The following BICD1 variants were observed in gnomAD, a reference collection of about 807,000 sequenced individuals.
The protein encoded by BICD1 is protein bicaudal D homolog 1.
A neutral mutation model predicts 92.5 loss-of-function variants in BICD1; 35 were observed. The observed-to-expected ratio is 0.38, with a 90% confidence interval of 0.29 to 0.50. BICD1 has a LOEUF of 0.50. Among genes scored for constraint, BICD1 ranks in the 20% least tolerant of loss-of-function variants. BICD1 has a pLI of 0.93. For synonymous variants in BICD1, 429 were observed against 465.1 expected, an observed-to-expected ratio of 0.92 and a Z score of 1.00; for missense variants, 950 against 1,189.8, an observed-to-expected ratio of 0.80 and a Z score of 2.97.
At chr12:32,207,350 G>A (rs1260613095) in intron 1 of BICD1, among the ~76,000 whole-genome samples, 1 of 152,060 alleles carries the variant, frequency 6.6e-6, no homozygotes, top group African/African-American at 2.4e-5. Context: ...ATAAATCTAA[G>A]TAATAGGCTA....
chr12:32,228,783 A>G (rs746122983), intron 2 of BICD1, among the ~76,000 whole-genome samples: 14 of 152,206 alleles, frequency 9.2e-5, no homozygotes, highest in Non-Finnish European at 1.5e-4. Context: ...GGAGTTATCA[A>G]TTGAGATGGG....
At chr12:32,155,493 C>T (rs1446145339) in intron 1 of BICD1, among the ~76,000 whole-genome samples, 1 of 152,160 alleles carries the variant, frequency 6.6e-6, no homozygotes, top group African/African-American at 2.4e-5. Flanking sequence ...GATTAAAGTA[C>T]AGCCGTCTTC....
Position 32,332,763 on chromosome 12 carries a change from A to G in BICD1, c.2101-1753A>G, listed in dbSNP as rs73301979. The G allele has an allele frequency of 6.6e-3, 4,705 of 709,522 alleles. 174 individuals carry two copies. The African/African-American group carries it at 0.082, about 12-fold the overall frequency. The allele number at this position is 709,522 out of a possible 1,614,324, so 44.0% of individuals were successfully genotyped here. A position where few individuals can be genotyped will look rare whatever the true frequency, so the allele number is the denominator to read the frequency against. ...GTTGTTTTCCAGAGGAGGAGGAAGT[A>G]ATTCCAGACAGAACAGTAGGTAGAG... On this transcript the variant is annotated intron_variant, in intron 5 of 9. Coordinates refer to ENST00000652176, the MANE Select transcript of BICD1 (RefSeq NM_001714.4).
intron 2 of BICD1, among the ~76,000 whole-genome samples, chr12:32,228,562 A>G (rs1945775547): frequency 6.6e-6 from 1 of 152,222 alleles, no homozygotes; most frequent in Non-Finnish European, 1.5e-5. Context: ...AGGCAAGGAT[A>G]GGAATGTGAG....
intron 3 of BICD1, among the ~76,000 whole-genome samples, chr12:32,302,567 G>A (rs963745063): frequency 2.6e-5 from 4 of 152,132 alleles, no homozygotes; most frequent in African/African-American, 7.2e-5. Flanking sequence ...CATCATGTTT[G>A]TAACATGCTA....
At chr12:32,212,874 C>T (rs534827377) in intron 1 of BICD1, among the ~76,000 whole-genome samples, 1 of 152,286 alleles carries the variant, frequency 6.6e-6, no homozygotes, top group Non-Finnish European at 1.5e-5. Context: ...AATCTATCAA[C>T]TCTTTTAAGG....
At chr12:32,162,517 C>A (rs776295186) in intron 1 of BICD1, among the ~76,000 whole-genome samples, 1 of 152,148 alleles carries the variant, frequency 6.6e-6, no homozygotes, top group Non-Finnish European at 1.5e-5. Flanking sequence ...AAATGGGTAT[C>A]ATCTTTCTTC....
intron 2 of BICD1, among the ~76,000 whole-genome samples, chr12:32,276,798 T>A (rs377098862): frequency 0.03 from 4,537 of 152,298 alleles, 86 homozygotes; most frequent in African/African-American, 0.04. Context: ...GCCTCTTTTC[T>A]AAAAATATTT....
chr12:32,160,298 A>G (rs992104986), intron 1 of BICD1, among the ~76,000 whole-genome samples: 4 of 152,206 alleles, frequency 2.6e-5, no homozygotes, highest in African/African-American at 9.7e-5. Context: ...CATGCCTTCC[A>G]TGGCCTGTTT....
At chr12:32,371,629 C>T (rs939536475) in intron 9 of BICD1, among the ~76,000 whole-genome samples, 2 of 152,006 alleles carry the variant, frequency 1.3e-5, no homozygotes, top group Non-Finnish European at 2.9e-5. Context: ...CCTCTGTTGC[C>T]CAGGCTGGAG....
chr12:32,200,968 A>G lies in BICD1; in HGVS notation c.214-15279A>G, dbSNP rs965912950. 3.9e-5 allele frequency among the ~76,000 whole-genome samples: 6 copies of G among 152,292 alleles called. 1 individual carries two copies. Among genetic ancestry groups the G allele is most frequent in the Non-Finnish European group, 2.9e-5 (2 of 68,012 alleles). On this transcript the variant is annotated intron_variant, in intron 1 of 9. Transcript: ENST00000652176. ...CTAAAAGCCTCTTGATCTGTTTCCT[A>G]TATCCTAGTCACAACTGAATTTTAA...
At chr12:32,108,616 A>G (rs572544573) in intron 1 of BICD1, 1 of 679,504 alleles carries the variant, frequency 1.5e-6, no homozygotes, top group Non-Finnish European at 2.7e-6. Context: ...TAATATCAAA[A>G]ATCTATTATT....
intron 8 of BICD1, among the ~76,000 whole-genome samples, chr12:32,367,176 AATC>A (rs992833119): frequency 1.1e-4 from 16 of 152,226 alleles, no homozygotes; most frequent in African/African-American, 3.9e-4. Context: ...AGATTCTACT[AATC>A]ATAGAAAAGA....
chr12:32,326,400 C>T, intron 4 of BICD1, among the ~76,000 whole-genome samples: 1 of 152,096 alleles, frequency 6.6e-6, no homozygotes, highest in East Asian at 1.9e-4. Flanking sequence ...TCTTATATAC[C>T]TATGTTTAAT....
intron 2 of BICD1, among the ~76,000 whole-genome samples, chr12:32,271,049 A>T (rs1244669372): frequency 6.6e-6 from 1 of 152,198 alleles, no homozygotes; most frequent in Non-Finnish European, 1.5e-5. Context: ...AGGCACCAAA[A>T]GAAGATGCTC....
rs79923882 is a variant in BICD1 at position 32,145,298 on chromosome 12, A to C, written c.213+37754A>C. 4.4e-3 allele frequency among the ~76,000 whole-genome samples: 670 copies of C among 152,346 alleles called. 3 individuals carry two copies. Among genetic ancestry groups the C allele is most frequent in the African/African-American group, 0.015 (635 of 41,574 alleles). On this transcript the variant is annotated intron_variant, in intron 1 of 9. Coordinates refer to ENST00000652176, the MANE Select transcript of BICD1 (RefSeq NM_001714.4). ...CGAGATAATGATGTGGATGTGACAGAACATGGTAGAGGAAAAGGCCACAGA... is the reference window on the plus strand; with the variant it reads ...CGAGATAATGATGTGGATGTGACAGCACATGGTAGAGGAAAAGGCCACAGA...
intron 2 of BICD1, among the ~76,000 whole-genome samples, chr12:32,287,619 C>T (rs960550467): frequency 3.3e-5 from 5 of 150,966 alleles, no homozygotes; most frequent in Non-Finnish European, 5.9e-5. Context: ...TCACTGCAAG[C>T]TCTGCCTCCT....
chr12:32,367,898 C>T lies in BICD1; in HGVS notation c.2840+153C>T, dbSNP rs115200970. 5.1e-4 allele frequency: 347 copies of T among 678,372 alleles called. 2 individuals are homozygous for T. The African/African-American group carries it at 5.5e-3, about 11-fold the overall frequency. The allele number at this position is 678,372 out of a possible 1,614,324, so 42.0% of individuals were successfully genotyped here. ...TACATAGACACACATTGGACACCTG[C>T]AGTCCCTGCGTTCCCAGTAGGAATA... On this transcript the variant is annotated intron_variant, in intron 9 of 9. Coordinates refer to ENST00000652176, the MANE Select transcript of BICD1 (RefSeq NM_001714.4).
At chr12:32,258,293 A>C (rs1050691846) in intron 2 of BICD1, among the ~76,000 whole-genome samples, 4 of 152,130 alleles carry the variant, frequency 2.6e-5, no homozygotes, top group African/African-American at 9.7e-5. Context: ...TAGTCACTCT[A>C]GTGAGTGTAT....
Sources: gnomAD v4.1 joint callset for allele counts (sites outside exome capture counted in the v4.1 genomes callset) on GRCh38, gnomAD v4.1.1 for gene constraint, MANE v1.5 for transcripts, NCBI Gene and HGNC (gene_info 2026-07-23, HGNC 2026-07-21) for gene names.